BICC1: variants seen among roughly 807,000 people sequenced by gnomAD.
BICC1 encodes protein bicaudal C homolog 1.
BICC1 carries 43 observed loss-of-function variants against 111.0 expected under a neutral mutation model. The observed-to-expected ratio is 0.39, with a 90% CI of 0.30 to 0.50. The LOEUF (loss-of-function observed/expected upper bound fraction) is 0.50, where lower values mean the gene tolerates loss of function less well. Among genes scored for constraint, BICC1 ranks in the 20% least tolerant of loss-of-function variants. BICC1 has a pLI of 0.88. For synonymous variants in BICC1, 467 were observed against 434.4 expected (o/e 1.07, Z -0.93); for missense variants, 1,091 against 1,203.2 (o/e 0.91, Z 1.38).
chr10:58,598,443 C>G (rs188607753), intron 1 of BICC1, among the ~76,000 whole-genome samples: 20 of 152,208 alleles, frequency 1.3e-4, no homozygotes, highest in Admixed American at 1.2e-3. Context: ...GTTGGGAAAA[C>G]TGGCTAGCCA....
At position 58,803,069 on chromosome 10, in the gene BICC1, T is replaced by C. The variant is rs16912609; in HGVS notation, c.2016-8T>C. The C allele has an allele frequency of 2.0e-3, 3,176 of 1,583,366 alleles. 65 individuals are homozygous for C. In the African/African-American group the frequency reaches 0.037, roughly 18 times the overall value. On this transcript the variant is annotated splice_region_variant and splice_polypyrimidine_tract_variant and intron_variant, in intron 14 of 20. Coordinates refer to ENST00000373886, the MANE Select transcript of BICC1 (RefSeq NM_001080512.3). ...TGGAGTGTTAAATTCCACACTCTTA[T>C]TTCACAGCAGCACTGACAGGTTGCT...
At chr10:58,817,870 T>G (rs1165555890) in intron 19 of BICC1, 148 bp downstream of exon 19, 2 of 781,370 alleles carry the variant, frequency 2.6e-6, no homozygotes, top group Non-Finnish European at 3.8e-6. Flanking sequence ...AAGAAAAATG[T>G]CATCTCATTT....
rs893837098 is a variant in BICC1 at position 58,693,548 on chromosome 10, C to T, written c.238-8526C>T. ...TTGTTTCCTGACTTCTTAATGATCGCCATTCTAACTGATGTGAGATGGTAT... is the reference window on the plus strand; with the variant it reads ...TTGTTTCCTGACTTCTTAATGATCGTCATTCTAACTGATGTGAGATGGTAT... On this transcript the variant is annotated intron_variant, in intron 2 of 20. Coordinates refer to ENST00000373886, the MANE Select transcript of BICC1 (RefSeq NM_001080512.3). 4.7e-4 allele frequency among the ~76,000 whole-genome samples: 71 copies of T among 152,302 alleles called. 1 individual carries two copies. The highest frequency in any genetic ancestry group is 1.7e-3 in the African/African-American group (70 of 41,556).
At position 58,800,960 on chromosome 10, in the gene BICC1, G is replaced by C; in HGVS notation, c.1929G>C (p.Leu643Phe). ...SPSHSGNAGD[L>F]KQMMCPSKVS... ...CCCATTCTGGGAATGCTGGTGACTT[G>C]AAACAGATGATGTGTCCCTCCAAGG... The change falls in exon 14 of 21, where the codon TTG becomes TTC. Residue 643 changes from leucine (L) to phenylalanine (F), a missense_variant. This residue lies in a region of BICC1 where 843 missense variants were observed against 900.8 expected (regional missense o/e 0.94). Transcript: ENST00000373886. 1 of 1,611,538 alleles carries C rather than the reference G, an allele frequency of 6.2e-7. No individual in the cohort carries two copies. Among genetic ancestry groups the C allele is most frequent in the South Asian group, 1.1e-5 (1 of 90,732 alleles).
intron 1 of BICC1, among the ~76,000 whole-genome samples, chr10:58,568,328 C>T (rs1626606): frequency 0.46 from 69,827 of 152,032 alleles, 17,087 homozygotes; most frequent in Admixed American, 0.62. Context: ...GGATTTGATA[C>T]GAAAGGGCTG....
chr10:58,807,820 TC>T (rs111645706), intron 17 of BICC1, among the ~76,000 whole-genome samples: 1 of 151,728 alleles, frequency 6.6e-6, no homozygotes, highest in Non-Finnish European at 1.5e-5. Flanking sequence ...CCTTTGGGAG[TC>T]GGGGTGGGTC....
At chr10:58,546,295 AC>A (rs1384762811) in intron 1 of BICC1, among the ~76,000 whole-genome samples, 2 of 152,052 alleles carry the variant, frequency 1.3e-5, no homozygotes, top group Non-Finnish European at 2.9e-5. Flanking sequence ...GGCAAACTAG[AC>A]AGATAGCTAT....
intron 17 of BICC1, among the ~76,000 whole-genome samples, chr10:58,808,320 C>CAGGTTTA (rs1843778713): frequency 6.6e-6 from 1 of 152,162 alleles, no homozygotes; most frequent in Admixed American, 6.5e-5. Context: ...CTTTTGTTAA[C>CAGGTTTA]AGAGACCATA....
At chr10:58,673,950 C>T (rs996517469) in intron 2 of BICC1, among the ~76,000 whole-genome samples, 1 of 82,144 alleles carries the variant, frequency 1.2e-5, no homozygotes, top group Non-Finnish European at 2.5e-5. Flanking sequence ...TTTAATCTAT[C>T]TCAGGTAAAC....
intron 1 of BICC1, among the ~76,000 whole-genome samples, chr10:58,518,521 C>A (rs1842301160): frequency 7.0e-6 from 1 of 142,756 alleles, no homozygotes; most frequent in Admixed American, 7.5e-5. Context: ...CACTAGAAAG[C>A]AAATACTTGC....
chr10:58,702,236 T>G (rs937243077), intron 3 of BICC1, 93 bp downstream of exon 3: 1 of 895,694 alleles, frequency 1.1e-6, no homozygotes, highest in Non-Finnish European at 1.7e-6. Flanking sequence ...ACCTTTATTC[T>G]TAACACTTTT....
At chr10:58,639,406 T>TC (rs1838050781) in intron 2 of BICC1, among the ~76,000 whole-genome samples, 1 of 150,258 alleles carries the variant, frequency 6.7e-6, no homozygotes, top group Non-Finnish European at 1.5e-5. Context: ...AATTTTTTTT[T>TC]TTTTTTTTGA....
intron 17 of BICC1, among the ~76,000 whole-genome samples, chr10:58,809,782 C>T (rs550599846): frequency 5.8e-4 from 89 of 152,236 alleles, no homozygotes; most frequent in Non-Finnish European, 9.6e-4. Context: ...TCATTTAGTT[C>T]ACCCACAATT....
intron 2 of BICC1, among the ~76,000 whole-genome samples, chr10:58,645,809 A>G (rs1395729399): frequency 6.6e-6 from 1 of 152,232 alleles, no homozygotes; most frequent in African/African-American, 2.4e-5. Context: ...AATAGAAACT[A>G]TATAAAGAAA....
At chr10:58,698,976 G>A (rs181373920) in intron 2 of BICC1, among the ~76,000 whole-genome samples, 36 of 152,356 alleles carry the variant, frequency 2.4e-4, no homozygotes, top group African/African-American at 7.5e-4. Context: ...CATCTGGCCA[G>A]AGCTCTGTGT....
At chr10:58,715,570 A>C (rs916729305) in intron 3 of BICC1, 1 of 1,573,086 alleles carries the variant, frequency 6.4e-7, no homozygotes, top group African/African-American at 1.3e-5. Flanking sequence ...AAGCGGGACA[A>C]TCGGGTGGCC....
intron 3 of BICC1, among the ~76,000 whole-genome samples, chr10:58,749,563 T>C (rs1012719128): frequency 6.6e-6 from 1 of 152,192 alleles, no homozygotes; most frequent in African/African-American, 2.4e-5. Flanking sequence ...AATTCAGATG[T>C]TTTTGTTCAA....
intron 20 of BICC1, chr10:58,823,999 A>G: frequency 1.0e-6 from 1 of 985,392 alleles, no homozygotes; most frequent in Non-Finnish European, 1.2e-6. Context: ...TTGCTTGTAA[A>G]GATACCTTCC....
At chr10:58,795,277 G>A (rs1843317071) in intron 9 of BICC1, among the ~76,000 whole-genome samples, 1 of 152,102 alleles carries the variant, frequency 6.6e-6, no homozygotes, top group African/African-American at 2.4e-5. Flanking sequence ...AAATGATCTT[G>A]CCTTCTCCCA....
Sources: allele counts gnomAD v4.1 joint callset (sites outside exome capture counted in the v4.1 genomes callset), GRCh38; gene constraint gnomAD v4.1.1; regional missense constraint gnomAD v4.1.1; transcripts MANE v1.5; gene names NCBI Gene and HGNC (gene_info 2026-07-23, HGNC 2026-07-21).